MED17: variants seen among roughly 807,000 people sequenced by gnomAD.
MED17 encodes mediator complex subunit 17.
A neutral mutation model predicts 80.8 loss-of-function variants in MED17; 49 were observed. The observed-to-expected ratio is 0.61, with a 90% CI of 0.48 to 0.77. MED17 has a LOEUF of 0.77. Ranked by LOEUF, MED17 falls within the 30% of genes least tolerant of loss-of-function variation. The pLI is 0.00. For synonymous variants in MED17, 281 were observed against 280.4 expected, an observed-to-expected ratio of 1.00 and a Z score of -0.02; for missense variants, 718 against 787.0, an observed-to-expected ratio of 0.91 and a Z score of 1.05.
intron 1 of MED17, among the ~76,000 whole-genome samples, chr11:93,785,340 A>G (rs1943758501): frequency 6.6e-6 from 1 of 152,248 alleles, no homozygotes; most frequent in Non-Finnish European, 1.5e-5. Flanking sequence ...GATGCTTTCT[A>G]ATAAATGAAT....
At chr11:93,803,578 A>G (rs1943984612) in intron 9 of MED17, among the ~76,000 whole-genome samples, 1 of 152,136 alleles carries the variant, frequency 6.6e-6, no homozygotes, top group African/African-American at 2.4e-5. Flanking sequence ...TAACTTAAGA[A>G]TGGGTGATGG....
At chr11:93,794,591 G>A (rs1245766417) in intron 5 of MED17, among the ~76,000 whole-genome samples, 2 of 152,102 alleles carry the variant, frequency 1.3e-5, no homozygotes, top group African/African-American at 4.8e-5. Flanking sequence ...CACAGTGGCA[G>A]TATCAAACCC....
chr11:93,784,712 G>A lies in MED17; in HGVS notation c.199G>A (p.Ala67Thr), dbSNP rs750552959. ...GGAGGCGGCGGGGACCGAGGGCGAC[G>A]CGCAGGAGTGGCCGGGCGCCGGGTC... Reference protein sequence around the residue: ...EEEAAGTEGDAQEWPGAGSSA... With the variant: ...EEEAAGTEGDTQEWPGAGSSA... The change falls in exon 1 of 12, where the codon GCG becomes ACG. Residue 67 changes from alanine (A) to threonine (T), a missense_variant. Transcript: ENST00000251871. 1 of 1,548,222 alleles carries A rather than the reference G, an allele frequency of 6.5e-7. No individual in the cohort carries two copies. The highest frequency in any genetic ancestry group is 8.7e-7 in the Non-Finnish European group (1 of 1,148,906).
At chr11:93,804,573 C>G (rs1944004808) in intron 9 of MED17, among the ~76,000 whole-genome samples, 1 of 152,164 alleles carries the variant, frequency 6.6e-6, no homozygotes, top group Non-Finnish European at 1.5e-5. Context: ...TATATCCTAC[C>G]TGTTCCTGTA....
At chr11:93,803,719 G>A (rs577067436) in intron 9 of MED17, among the ~76,000 whole-genome samples, 1 of 151,962 alleles carries the variant, frequency 6.6e-6, no homozygotes, top group East Asian at 1.9e-4. Context: ...CAATGGAAAA[G>A]AAAAGAGAAA....
At chr11:93,808,622 A>T (rs1944053537) in intron 10 of MED17, 1 of 150,506 alleles carries the variant, frequency 6.6e-6, no homozygotes, top group Admixed American at 6.6e-5. Context: ...TTAGCATTTC[A>T]AAAACCTACC....
chr11:93,811,450 TG>T, intron 11 of MED17: 1 of 210,392 alleles, frequency 4.8e-6, no homozygotes, highest in Non-Finnish European at 9.6e-6. Context: ...GTGGGAGGAT[TG>T]CTTGAGCCCA....
chr11:93,784,979 G>A (rs1390389052), intron 1 of MED17: 6 of 662,348 alleles, frequency 9.1e-6, no homozygotes, highest in Non-Finnish European at 1.5e-5. Flanking sequence ...TCCTTGAATG[G>A]CAGCGTTTAG....
intron 8 of MED17, 116 bp downstream of exon 8, chr11:93,797,835 A>T (rs2135715698): frequency 1.1e-6 from 1 of 921,216 alleles, no homozygotes; most frequent in Non-Finnish European, 1.7e-6. Flanking sequence ...TAGGGAGAGG[A>T]GGTGGTAAGA....
chr11:93,798,634 A>G (rs1943930129), intron 8 of MED17, among the ~76,000 whole-genome samples: 1 of 152,166 alleles, frequency 6.6e-6, no homozygotes. Context: ...CTAGGGGTGA[A>G]AGGTGTGTAA....
chr11:93,809,863 C>G lies in MED17; in HGVS notation c.1731C>G (p.Asp577Glu), dbSNP rs1944068658. The G allele has an allele frequency of 6.2e-7, 1 of 1,613,992 alleles. No homozygotes were observed. Among genetic ancestry groups the G allele is most frequent in the Non-Finnish European group, 8.5e-7 (1 of 1,180,026 alleles). Residue 577 changes from aspartate to glutamate, a missense_variant, in exon 11 of 12, where the codon GAC (aspartate) becomes GAG (glutamate). Transcript: ENST00000251871. Reference sequence around the variant, plus strand: ...TCACGGTGGCCTCCCCAAGTGGTGACTATGCTATTTCAGGTACTTTCTGCT... The same window carrying G: ...TCACGGTGGCCTCCCCAAGTGGTGAGTATGCTATTTCAGGTACTTTCTGCT... ...SAITVASPSG[D>E]YAISVRNGPE...
intron 7 of MED17, 152 bp from the exon 8 acceptor site, chr11:93,797,383 A>C (rs1262476915): frequency 2.8e-6 from 2 of 711,768 alleles, no homozygotes; most frequent in Non-Finnish European, 4.9e-6. Flanking sequence ...TGTGTGACCT[A>C]GTAGTTGCTA....
Position 93,784,487 on chromosome 11 carries a change from C to T in MED17, c.-27C>T, listed in dbSNP as rs765579610. 2 of 1,583,444 alleles carry T rather than the reference C, an allele frequency of 1.3e-6. No homozygotes were observed. The highest frequency in any genetic ancestry group is 1.3e-5 in the African/African-American group (1 of 74,416). ...CTCGTTTTTTGGCTCGTGGGGGGTCCTCCCACCGCTGGCCGACGCAGCCAG... is the reference window on the plus strand; with the variant it reads ...CTCGTTTTTTGGCTCGTGGGGGGTCTTCCCACCGCTGGCCGACGCAGCCAG... On this transcript the variant is annotated 5_prime_UTR_variant, in exon 1 of 12. Transcript: ENST00000251871.
At chr11:93,788,323 G>A (rs1215102802) in intron 2 of MED17, 156 bp downstream of exon 2, 16 of 631,740 alleles carry the variant, frequency 2.5e-5, no homozygotes, top group Non-Finnish European at 8.2e-6. Context: ...CCATACAACT[G>A]CATTTCCTTT....
chr11:93,808,563 A>T (rs1225094857), intron 10 of MED17: 1 of 147,930 alleles, frequency 6.8e-6, no homozygotes, highest in African/African-American at 2.5e-5. Context: ...TTGAAATGCT[A>T]ATGCAAGATA....
intron 3 of MED17, among the ~76,000 whole-genome samples, chr11:93,791,783 C>G (rs533324502): frequency 1.3e-5 from 2 of 152,166 alleles, no homozygotes; most frequent in South Asian, 4.2e-4. Flanking sequence ...CAAAAAAACT[C>G]GACATGAAAG....
intron 6 of MED17, 26 bp from the exon 7 acceptor site, chr11:93,796,384 T>A: frequency 6.3e-7 from 1 of 1,593,544 alleles, no homozygotes; most frequent in Non-Finnish European, 8.6e-7. Context: ...GTTATTTACA[T>A]ATGTCCTCCT....
At chr11:93,808,325 C>G (rs2135721975) in intron 10 of MED17, 1 of 147,294 alleles carries the variant, frequency 6.8e-6, no homozygotes, top group East Asian at 2.0e-4. Context: ...ATTGGTCCCA[C>G]TGTACTTCAG....
intron 9 of MED17, chr11:93,806,619 C>T (rs1463285043): frequency 6.6e-6 from 1 of 152,118 alleles, no homozygotes; most frequent in Non-Finnish European, 1.5e-5. Flanking sequence ...TTAACAAAAC[C>T]GCTTCTCTTT....
Sources: gnomAD v4.1 joint callset for allele counts (sites outside exome capture counted in the v4.1 genomes callset) on GRCh38, gnomAD v4.1.1 for gene constraint, MANE v1.5 for transcripts, NCBI Gene and HGNC (gene_info 2026-07-23, HGNC 2026-07-21) for gene names.